PRIM2: variants seen among roughly 807,000 people sequenced by gnomAD.
The protein encoded by PRIM2 is DNA primase large subunit.
In PRIM2, 39 loss-of-function variants were observed where a neutral mutation model predicts 67.3. That is an observed-to-expected ratio of 0.58 (90% CI 0.45 to 0.76). PRIM2 has a LOEUF of 0.76. Ranked by LOEUF, PRIM2 falls within the 30% of genes least tolerant of loss-of-function variation. The pLI is 0.00. For synonymous variants in PRIM2, 143 were observed against 198.7 expected (o/e 0.72, Z 2.36); for missense variants, 398 against 598.7 (o/e 0.66, Z 3.50).
chr6:57,604,232 C>T (rs1384559585), intron 11 of PRIM2, among the ~76,000 whole-genome samples: 1 of 152,042 alleles, frequency 6.6e-6, no homozygotes, highest in Non-Finnish European at 1.5e-5. Flanking sequence ...TTGCAGTTGG[C>T]TGAGATGGCA....
At chr6:57,620,903 G>C in intron 12 of PRIM2, among the ~76,000 whole-genome samples, 1 of 152,274 alleles carries the variant, frequency 6.6e-6, no homozygotes. Flanking sequence ...TCATGTAAAT[G>C]GACACTGAAA....
chr6:57,308,595 G>A, the PRIM2 span, among the ~76,000 whole-genome samples: 6 of 152,232 alleles, frequency 3.9e-5, no homozygotes, highest in Non-Finnish European at 8.8e-5. Flanking sequence ...AAATTTACCA[G>A]GTAATGCCAC....
intron 12 of PRIM2, among the ~76,000 whole-genome samples, chr6:57,630,874 A>G (rs1297068134): frequency 2.0e-5 from 3 of 152,334 alleles, no homozygotes; most frequent in East Asian, 3.9e-4. Flanking sequence ...AAATTTAAAA[A>G]TGAAGAAAGT....
rs1175046703 is a variant in PRIM2 at position 57,473,544 on chromosome 6, A to G, written c.694-33843A>G. Among the ~76,000 whole-genome samples, 13 of 152,264 alleles carry G rather than the reference A, an allele frequency of 8.5e-5. No individual in the cohort carries two copies. The East Asian group carries it at 2.3e-3, about 27-fold the overall frequency. ...TTGTTGAATCTAATATGCAGTCAAG[A>G]CTGAAAACACAAGTCTATTCAGTCC... On this transcript the variant is annotated intron_variant, in intron 7 of 13. Transcript: ENST00000615550.
At chr6:57,446,578 G>T (rs1170851623) in intron 7 of PRIM2, among the ~76,000 whole-genome samples, 2 of 151,758 alleles carry the variant, frequency 1.3e-5, no homozygotes, top group Non-Finnish European at 2.9e-5. Context: ...CATGCCTGGG[G>T]CTGCTTTCCT....
intron 10 of PRIM2, among the ~76,000 whole-genome samples, chr6:57,590,821 C>A (rs1776270469): frequency 6.6e-6 from 1 of 152,150 alleles, no homozygotes; most frequent in South Asian, 2.1e-4. Context: ...GGACGCTATA[C>A]CAAGTACTTT....
intron 7 of PRIM2, among the ~76,000 whole-genome samples, chr6:57,453,992 A>G (rs1366006025): frequency 1.3e-5 from 2 of 152,204 alleles, no homozygotes; most frequent in Non-Finnish European, 2.9e-5. Context: ...AGTTTTTAGC[A>G]TGAAGGGTTG....
the PRIM2 span, among the ~76,000 whole-genome samples, chr6:57,234,024 A>G: frequency 2.0e-5 from 3 of 152,154 alleles, no homozygotes; most frequent in East Asian, 5.8e-4. Context: ...AAATAGATGT[A>G]TGATTTTCTG....
Position 57,383,158 on chromosome 6 carries a change from C to T in PRIM2, c.693+990C>T, listed in dbSNP as rs559803043. ...TTAAATTTTTTCTTTACTTGTCTGT[C>T]ACTACCCTAGATTATATTCTAGTTA... On this transcript the variant is annotated intron_variant, in intron 7 of 13. Transcript: ENST00000615550. 5 of 152,228 alleles carry T rather than the reference C, an allele frequency of 3.3e-5. No individual in the cohort carries two copies. In the South Asian group the frequency reaches 1.0e-3, roughly 32 times the overall value. 9.4% of individuals were successfully genotyped at this position (152,228 alleles called of 1,614,324 possible). A position where few individuals can be genotyped will look rare whatever the true frequency, so the allele number is the denominator to read the frequency against.
intron 10 of PRIM2, among the ~76,000 whole-genome samples, chr6:57,542,006 C>T (rs1330428415): frequency 9.9e-5 from 14 of 141,364 alleles, no homozygotes; most frequent in African/African-American, 2.1e-4. Context: ...GACAGAGTCT[C>T]GCTCTGTCAC....
chr6:57,368,578 T>C (rs200990401), intron 5 of PRIM2, among the ~76,000 whole-genome samples: 1 of 152,308 alleles, frequency 6.6e-6, no homozygotes, highest in African/African-American at 2.4e-5. Flanking sequence ...AGATGATCAT[T>C]TGGGAATGTG....
chr6:57,290,956 C>G, the PRIM2 span, among the ~76,000 whole-genome samples: 1 of 152,020 alleles, frequency 6.6e-6, no homozygotes, highest in Non-Finnish European at 1.5e-5. Flanking sequence ...GAAGCAAGAG[C>G]AGACAAATTT....
rs1222266582 is a variant in PRIM2, at chr6:57,627,898, A to C, written c.1231-4235A>C. On this transcript the variant is annotated intron_variant, in intron 12 of 13. Transcript: ENST00000615550. ...AAATGTCTTTGATATGATTGTTCAA[A>C]ATGTTTGATATTTTTCTAAAACAGA... Among the ~76,000 whole-genome samples the C allele has an allele frequency of 7.8e-3, 1,189 of 152,302 alleles. 20 individuals are homozygous for C. Among genetic ancestry groups the C allele is most frequent in the African/African-American group, 0.027 (1,134 of 41,560 alleles).
chr6:57,359,562 G>A (rs1297309012), intron 5 of PRIM2, among the ~76,000 whole-genome samples: 3 of 152,178 alleles, frequency 2.0e-5, no homozygotes, highest in African/African-American at 4.8e-5. Flanking sequence ...ATTTTAAACT[G>A]TTAAGTTTTG....
At chr6:57,343,112 A>G (rs1768546729) in intron 5 of PRIM2, among the ~76,000 whole-genome samples, 1 of 152,100 alleles carries the variant, frequency 6.6e-6, no homozygotes, top group African/African-American at 2.4e-5. Context: ...CGTTGATTTA[A>G]TAGTTTTAGG....
intron 7 of PRIM2, among the ~76,000 whole-genome samples, chr6:57,427,027 C>T (rs186450529): frequency 1.2e-3 from 185 of 152,208 alleles, no homozygotes; most frequent in African/African-American, 4.1e-3. Flanking sequence ...GCTATATTTT[C>T]GGCTTGTGTG....
At chr6:57,275,240 T>C in the PRIM2 span, among the ~76,000 whole-genome samples, 3 of 152,122 alleles carry the variant, frequency 2.0e-5, no homozygotes, top group African/African-American at 7.2e-5. Flanking sequence ...GTTGGGTGCA[T>C]TGGCTCAGGC....
the PRIM2 span, among the ~76,000 whole-genome samples, chr6:57,254,675 T>C: frequency 2.6e-5 from 4 of 151,388 alleles, no homozygotes; most frequent in South Asian, 6.4e-4. Context: ...ACAAGTTTTA[T>C]TGGAGGTCTG....
chr6:57,379,785 C>G lies in PRIM2; in HGVS notation c.460-116C>G. The G allele has an allele frequency of 5.8e-6, 5 of 856,890 alleles. No homozygotes were observed. In the South Asian group the frequency reaches 8.8e-5, roughly 15 times the overall value. 53.1% of individuals were successfully genotyped at this position (856,890 alleles called of 1,614,324 possible). On this transcript the variant is annotated intron_variant, in intron 5 of 13. Transcript: ENST00000615550. ...TCATGTTAGAAATGATTTGAGATAT[C>G]AAGGTTTTAAAATTTTTAATAAAAG...
Sources: gnomAD v4.1 joint callset for allele counts (sites outside exome capture counted in the v4.1 genomes callset) on GRCh38, gnomAD v4.1.1 for gene constraint, MANE v1.5 for transcripts, NCBI Gene and HGNC (gene_info 2026-07-23, HGNC 2026-07-21) for gene names.